The following LAP3 variants were observed in gnomAD, a reference collection of about 807,000 sequenced individuals.
LAP3 encodes the protein leucine aminopeptidase 3.
LAP3 carries 46 observed loss-of-function variants against 58.8 expected under a neutral mutation model. That is an observed-to-expected ratio of 0.78 (90% confidence interval 0.62 to 1.00). The LOEUF (loss-of-function observed/expected upper bound fraction) is 1.00, where lower values mean the gene tolerates loss of function less well. Among genes scored for constraint, LAP3 ranks in the 50% least tolerant of loss-of-function variants. LAP3 has a pLI of 0.00. For missense variants in LAP3, 615 were observed against 659.1 expected, an observed-to-expected ratio of 0.93 and a Z score of 0.73; for synonymous variants, 257 against 237.7, an observed-to-expected ratio of 1.08 and a Z score of -0.75.
At chr4:17,601,627 C>T (rs907392245) in intron 10 of LAP3, among the ~76,000 whole-genome samples, 1 of 152,116 alleles carries the variant, frequency 6.6e-6, no homozygotes, top group Non-Finnish European at 1.5e-5. Context: ...ATACCAAACC[C>T]ACGATGCTCA....
At chr4:17,578,542 TACCAC>T (rs36212776) in intron 1 of LAP3, among the ~76,000 whole-genome samples, 93,950 of 151,370 alleles carry the variant, frequency 0.62, 29,739 homozygotes, top group East Asian at 0.88. Flanking sequence ...CACTCAGTCC[TACCAC>T]ACCACACAGG....
At chr4:17,600,899 G>A (rs745930706) in intron 10 of LAP3, among the ~76,000 whole-genome samples, 86 of 152,194 alleles carry the variant, frequency 5.7e-4, no homozygotes, top group Non-Finnish European at 2.6e-4. Flanking sequence ...ATAGCACCTC[G>A]TTCACAGGAA....
intron 8 of LAP3, 80 bp from the exon 9 acceptor site, chr4:17,596,966 T>A (rs1713845600): frequency 7.7e-7 from 1 of 1,298,384 alleles, no homozygotes; most frequent in Non-Finnish European, 1.1e-6. Context: ...TTCTCATGGC[T>A]CACAGGTGGC....
intron 4 of LAP3, 71 bp from the exon 5 acceptor site, chr4:17,583,412 A>G: frequency 1.9e-6 from 3 of 1,551,598 alleles, no homozygotes; most frequent in Non-Finnish European, 2.7e-6. Flanking sequence ...ACATCACATC[A>G]TGCCTCTGCT....
chr4:17,585,530 C>G (rs1224921938), intron 6 of LAP3: 1 of 167,588 alleles, frequency 6.0e-6, no homozygotes, highest in East Asian at 1.8e-4. Context: ...GGGCTCAGGC[C>G]TCCCACCCTA....
chr4:17,581,711 G>T (rs752749238), intron 2 of LAP3, 49 bp from the exon 3 acceptor site: 4 of 1,492,092 alleles, frequency 2.7e-6, no homozygotes, highest in Admixed American at 3.4e-5. Context: ...CTTCCCAAGT[G>T]AACCGAGCAA....
chr4:17,577,473 T>A lies in LAP3; in HGVS notation c.8T>A (p.Leu3Ter), dbSNP rs371493730. 6.3e-7 allele frequency: 1 copy of A among 1,577,402 alleles called. No individual in the cohort carries two copies. Among genetic ancestry groups the A allele is most frequent in the Non-Finnish European group, 8.6e-7 (1 of 1,163,440 alleles). The part of the protein sequence containing the change: MF[L>*]LPLPAAGRVV... ...AGGGGCCGAGCCGACAAGATGTTCT[T>A]GCTGCCTCTTCCGGCTGCGGGGCGA... is the stretch of plus-strand genomic sequence containing the variant. The change falls in exon 1 of 13, where the codon TTG (leucine) becomes TAG (stop). Residue 3 changes from leucine to a stop codon, truncating the protein, a stop_gained. Transcript: ENST00000226299. LOFTEE classifies it high-confidence loss of function.
At chr4:17,594,139 A>G (rs2109021820) in intron 7 of LAP3, among the ~76,000 whole-genome samples, 1 of 152,102 alleles carries the variant, frequency 6.6e-6, no homozygotes, top group African/African-American at 2.4e-5. Flanking sequence ...GAGAGATTGA[A>G]AAAGTGAGCC....
Position 17,577,521 on chromosome 4 carries a change from T to A in LAP3, c.56T>A (p.Val19Glu). Residue 19 changes from valine to glutamate, a missense_variant, in exon 1 of 13, where the codon GTG (valine) becomes GAG (glutamate). Val to Glu is a moderately radical substitution (Grantham distance 121). Coordinates refer to ENST00000226299, the MANE Select transcript of LAP3 (RefSeq NM_015907.3). ...CGAGTAGTCGTCCGACGTCTGGCCG[T>A]GAGACGTTTCGGGAGCCGGAGTCTC... ...AGRVVVRRLA[V>E]RRFGSRSLST... The A allele has an allele frequency of 6.3e-7, 1 of 1,586,180 alleles. No individual in the cohort carries two copies. The highest frequency in any genetic ancestry group is 1.1e-5 in the South Asian group (1 of 87,142).
chr4:17,600,827 CT>C (rs1265936226), intron 10 of LAP3, among the ~76,000 whole-genome samples: 1 of 152,198 alleles, frequency 6.6e-6, no homozygotes, highest in Non-Finnish European at 1.5e-5. Flanking sequence ...CTTGTCCTAA[CT>C]TTTAATAGCA....
In LAP3 at chr4:17,595,462, A is replaced by G. The variant is rs372766136; in HGVS notation, c.916A>G (p.Met306Val). The change falls in exon 8 of 13, where the codon ATG (methionine) becomes GTG (valine). Residue 306 changes from methionine to valine, a missense_variant. By Grantham distance (21) the Met-to-Val change is conservative. Coordinates refer to ENST00000226299, the MANE Select transcript of LAP3 (RefSeq NM_015907.3). ...AAATATGGACCTCATGAGGGCTGAC[A>G]TGGGAGGAGCTGCAACTATATGCTC... The part of the protein sequence containing the change: ...SANMDLMRAD[M>V]GGAATICSAI... 3 of 1,613,864 alleles carry G rather than the reference A, an allele frequency of 1.9e-6. No homozygotes were observed. The South Asian group carries it at 3.3e-5, about 18-fold the overall frequency.
intron 4 of LAP3, 128 bp from the exon 5 acceptor site, chr4:17,583,349 AGAACAT>A: frequency 1.1e-6 from 1 of 889,526 alleles, no homozygotes; most frequent in South Asian, 1.6e-5. Flanking sequence ...AATGAGGCTC[AGAACAT>A]TCGGGTATCA....
chr4:17,605,961 T>A (rs970080972), intron 11 of LAP3, among the ~76,000 whole-genome samples: 1 of 152,210 alleles, frequency 6.6e-6, no homozygotes, highest in Non-Finnish European at 1.5e-5. Flanking sequence ...GCTTCTTGAT[T>A]TTTCACTTTT....
At chr4:17,595,560 C>T (rs1713809195) in intron 8 of LAP3, 26 bp downstream of exon 8, 20 of 1,608,942 alleles carry the variant, frequency 1.2e-5, no homozygotes, top group African/African-American at 2.7e-5. Context: ...GATTACATCT[C>T]ATAACGCTTC....
At chr4:17,589,438 A>C (rs1476852601) in intron 7 of LAP3, among the ~76,000 whole-genome samples, 1 of 152,152 alleles carries the variant, frequency 6.6e-6, no homozygotes, top group Non-Finnish European at 1.5e-5. Flanking sequence ...TACCACCTCT[A>C]AAATGCTTAG....
chr4:17,591,586 G>T (rs902580666), intron 7 of LAP3, among the ~76,000 whole-genome samples: 1 of 152,210 alleles, frequency 6.6e-6, no homozygotes, highest in South Asian at 2.1e-4. Context: ...GTTTAGAGAA[G>T]GTTTCCTTGC....
At chr4:17,587,321 A>G (rs1469387704) in intron 6 of LAP3, 1 of 152,272 alleles carries the variant, frequency 6.6e-6, no homozygotes, top group African/African-American at 2.4e-5. Context: ...AGGTCAGTGT[A>G]TATCAGAGAA....
At chr4:17,593,613 T>G (rs1452268235) in intron 7 of LAP3, among the ~76,000 whole-genome samples, 1 of 132,456 alleles carries the variant, frequency 7.5e-6, no homozygotes, top group Non-Finnish European at 1.6e-5. Flanking sequence ...GCTTGGGTTT[T>G]TTTTTTTTTT....
rs189764775 is a variant in LAP3 at position 17,592,543 on chromosome 4, A to G, written c.864-2867A>G. On this transcript the variant is annotated intron_variant, in intron 7 of 12. Transcript: ENST00000226299. ...AGAGCATCTGTAAGCCTTTGTGTGG[A>G]CGTGTTTTCCTTACTCTTGCGTAAA... Among the ~76,000 whole-genome samples the G allele has an allele frequency of 9.8e-5, 15 of 152,300 alleles. 1 individual carries two copies. The East Asian group carries it at 2.5e-3, about 25-fold the overall frequency.
Sources: allele counts gnomAD v4.1 joint callset (sites outside exome capture counted in the v4.1 genomes callset), GRCh38; gene constraint gnomAD v4.1.1; transcripts MANE v1.5; gene names NCBI Gene and HGNC (gene_info 2026-07-23, HGNC 2026-07-21).